The following RBPMS variants were observed in gnomAD, a reference collection of about 807,000 sequenced individuals.
The protein encoded by RBPMS is RNA-binding protein with multiple splicing.
RBPMS carries 7 observed loss-of-function variants against 26.8 expected under a neutral mutation model. The ratio of observed to expected loss-of-function variants is 0.26; its 90% confidence interval spans 0.15 to 0.49. RBPMS has a LOEUF of 0.49. Among genes scored for constraint, RBPMS ranks in the 20% least tolerant of loss-of-function variants. The pLI is 0.98. For missense variants in RBPMS, 186 were observed against 250.0 expected, an observed-to-expected ratio of 0.74 and a Z score of 1.73; for synonymous variants, 96 against 93.3, an observed-to-expected ratio of 1.03 and a Z score of -0.17.
chr8:30,446,227 G>C (rs901271130), intron 1 of RBPMS, among the ~76,000 whole-genome samples: 10 of 152,050 alleles, frequency 6.6e-5, no homozygotes, highest in Non-Finnish European at 1.5e-5. Context: ...CCCCTTTATT[G>C]TGGTTAATCT....
intron 5 of RBPMS, among the ~76,000 whole-genome samples, chr8:30,509,464 G>A (rs933106556): frequency 2.0e-5 from 3 of 152,210 alleles, no homozygotes; most frequent in African/African-American, 4.8e-5. Flanking sequence ...ACCCTGTGAA[G>A]GTTCAGGAGA....
At chr8:30,554,048 T>C (rs927880870) in intron 6 of RBPMS, among the ~76,000 whole-genome samples, 1 of 152,236 alleles carries the variant, frequency 6.6e-6, no homozygotes, top group Admixed American at 6.5e-5. Flanking sequence ...AGTGCTGGGA[T>C]TACAGGCATG....
At chr8:30,513,806 G>C (rs1030753082) in intron 5 of RBPMS, among the ~76,000 whole-genome samples, 2 of 152,106 alleles carry the variant, frequency 1.3e-5, no homozygotes, top group Admixed American at 6.5e-5. Flanking sequence ...CACCTCACTT[G>C]CTCATTGTGA....
rs374128815 is a variant in RBPMS at position 30,555,953 on chromosome 8, C to G, written c.529-2934C>G. 38 of 985,324 alleles carry G rather than the reference C, an allele frequency of 3.9e-5. No homozygotes were observed. In the African/African-American group the frequency reaches 6.5e-4, roughly 17 times the overall value. 61.0% of individuals were successfully genotyped at this position (985,324 alleles called of 1,614,324 possible). On this transcript the variant is annotated intron_variant, in intron 6 of 8. Coordinates refer to ENST00000397323, the MANE Select transcript of RBPMS (RefSeq NM_001008710.3). The stretch of plus-strand genomic sequence containing the variant: ...CCGAACTCTGCTGTGCACCATGAGC[C>G]CTGCCGCTCTGCCGGCTGTGGTGCG...
At chr8:30,434,090 C>T (rs1264143864) in intron 1 of RBPMS, among the ~76,000 whole-genome samples, 2 of 151,296 alleles carry the variant, frequency 1.3e-5, no homozygotes, top group East Asian at 1.9e-4. Context: ...GCACTCCAGC[C>T]TGGGTAACAG....
rs1447028508 is a variant in RBPMS at position 30,443,239 on chromosome 8, A to G, written c.67-31540A>G. On this transcript the variant is annotated intron_variant, in intron 1 of 8. Coordinates refer to ENST00000397323, the MANE Select transcript of RBPMS (RefSeq NM_001008710.3). ...ATATACTCCTAAACTGTAATACTTA[A>G]TATTTTTTCTCTGAAGACTATTTTA... 1.3e-5 allele frequency among the ~76,000 whole-genome samples: 2 copies of G among 152,164 alleles called. 1 individual carries two copies. The highest frequency in any genetic ancestry group is 1.3e-4 in the Admixed American group (2 of 15,284).
chr8:30,556,400 T>TGC, intron 6 of RBPMS: 1 of 985,822 alleles, frequency 1.0e-6, no homozygotes, highest in Non-Finnish European at 1.2e-6. Flanking sequence ...GAGGGCTGTG[T>TGC]GCGAGAGCTG....
intron 1 of RBPMS, among the ~76,000 whole-genome samples, chr8:30,410,368 C>T (rs1809215581): frequency 6.6e-6 from 1 of 151,874 alleles, no homozygotes; most frequent in African/African-American, 2.4e-5. Context: ...GCCAACATGC[C>T]CGGCTAATTT....
At chr8:30,466,475 G>T (rs747254525) in intron 1 of RBPMS, among the ~76,000 whole-genome samples, 1 of 152,130 alleles carries the variant, frequency 6.6e-6, no homozygotes, top group Non-Finnish European at 1.5e-5. Context: ...GAGCCCAGGC[G>T]TTCTAGGCTG....
intron 4 of RBPMS, among the ~76,000 whole-genome samples, chr8:30,491,632 G>A (rs764924479): frequency 9.9e-5 from 15 of 152,002 alleles, no homozygotes; most frequent in Non-Finnish European, 1.9e-4. Flanking sequence ...TTTTTCAATT[G>A]TAGAGTTTGT....
At chr8:30,392,552 A>G (rs535063461) in intron 1 of RBPMS, among the ~76,000 whole-genome samples, 3 of 152,098 alleles carry the variant, frequency 2.0e-5, no homozygotes, top group East Asian at 1.9e-4. Context: ...GGACGTCCCA[A>G]TGGGCAGGGG....
intron 8 of RBPMS, among the ~76,000 whole-genome samples, 180 bp downstream of exon 8, chr8:30,566,540 G>A (rs996636839): frequency 6.6e-6 from 1 of 152,172 alleles, no homozygotes; most frequent in Non-Finnish European, 1.5e-5. Flanking sequence ...GGTCATCCCA[G>A]GACAGCAACT....
intron 7 of RBPMS, 95 bp from the exon 8 acceptor site, chr8:30,566,162 C>A: frequency 1.6e-6 from 1 of 637,554 alleles, no homozygotes; most frequent in Non-Finnish European, 2.0e-6. Context: ...CCTCTCTTGG[C>A]TCTCTGCCCT....
At chr8:30,560,828 T>TG (rs1033059401) in intron 7 of RBPMS, among the ~76,000 whole-genome samples, 3 of 152,174 alleles carry the variant, frequency 2.0e-5, no homozygotes, top group African/African-American at 7.2e-5. Flanking sequence ...GTTTCATGCC[T>TG]GGGGGAACCA....
intron 1 of RBPMS, among the ~76,000 whole-genome samples, chr8:30,471,699 G>A (rs1257395702): frequency 1.3e-5 from 2 of 152,188 alleles, no homozygotes; most frequent in Non-Finnish European, 2.9e-5. Context: ...TCTGGACTAT[G>A]GGAGGAGAGT....
intron 1 of RBPMS, among the ~76,000 whole-genome samples, chr8:30,439,307 G>A (rs1812813868): frequency 1.3e-5 from 2 of 152,202 alleles, no homozygotes; most frequent in African/African-American, 4.8e-5. Context: ...GAAAGGATGT[G>A]TTTTCTTTCT....
intron 4 of RBPMS, among the ~76,000 whole-genome samples, chr8:30,493,856 A>T (rs1819651940): frequency 6.6e-6 from 1 of 152,196 alleles, no homozygotes; most frequent in African/African-American, 2.4e-5. Context: ...GATTGCGTTT[A>T]TCGCTTCTTC....
intron 1 of RBPMS, among the ~76,000 whole-genome samples, chr8:30,449,691 A>G (rs1269758644): frequency 1.3e-5 from 2 of 152,136 alleles, no homozygotes; most frequent in African/African-American, 4.8e-5. Context: ...TTTTAAATGG[A>G]GACAGAAGCA....
intron 5 of RBPMS, among the ~76,000 whole-genome samples, chr8:30,542,168 T>G (rs1825453687): frequency 6.6e-6 from 1 of 152,248 alleles, no homozygotes; most frequent in Non-Finnish European, 1.5e-5. Flanking sequence ...CTCAGCAATT[T>G]TGAGTTTAGG....
Sources: allele counts gnomAD v4.1 joint callset (sites outside exome capture counted in the v4.1 genomes callset), GRCh38; gene constraint gnomAD v4.1.1; transcripts MANE v1.5; gene names NCBI Gene and HGNC (gene_info 2026-07-23, HGNC 2026-07-21).